CFAP107: variants seen among roughly 807,000 people sequenced by gnomAD.
The protein encoded by CFAP107 is cilia and flagella associated protein 107.
At chr1:12,757,389 T>TC in the CFAP107 span, among the ~76,000 whole-genome samples, 1 of 128,420 alleles carries the variant, frequency 7.8e-6, no homozygotes, top group Non-Finnish European at 1.6e-5. Flanking sequence ...TTTTTTCTTT[T>TC]CTTTTTTTTT....
chr1:12,751,714 A>G, the CFAP107 span, among the ~76,000 whole-genome samples: 1 of 152,338 alleles, frequency 6.6e-6, no homozygotes, highest in African/African-American at 2.4e-5. Flanking sequence ...TATATTGACT[A>G]ACGGAAAAAA....
the CFAP107 span, among the ~76,000 whole-genome samples, chr1:12,749,585 T>C: frequency 6.6e-6 from 1 of 152,068 alleles, no homozygotes; most frequent in Admixed American, 6.6e-5. Flanking sequence ...CACTCCAGCC[T>C]GGGAAACAGA....
chr1:12,762,833 C>A, the CFAP107 span: 3 of 152,614 alleles, frequency 2.0e-5, no homozygotes, highest in African/African-American at 7.2e-5. Flanking sequence ...GCAGGGGCGT[C>A]TAATCTTTTG....
chr1:12,749,100 A>G, the CFAP107 span, among the ~76,000 whole-genome samples: 2 of 152,214 alleles, frequency 1.3e-5, no homozygotes, highest in East Asian at 3.8e-4. Flanking sequence ...AGGGGCTAAA[A>G]GAGTATTTGA....
the CFAP107 span, among the ~76,000 whole-genome samples, chr1:12,751,940 A>C: frequency 6.6e-6 from 1 of 152,190 alleles, no homozygotes; most frequent in African/African-American, 2.4e-5. Flanking sequence ...TAGATCTATA[A>C]CTAGTGAAGA....
At chr1:12,750,367 T>G in the CFAP107 span, among the ~76,000 whole-genome samples, 1 of 152,132 alleles carries the variant, frequency 6.6e-6, no homozygotes, top group Non-Finnish European at 1.5e-5. Flanking sequence ...ATGGCAAATA[T>G]AAGTCCTTCC....
the CFAP107 span, chr1:12,755,784 T>G: frequency 6.2e-7 from 1 of 1,613,320 alleles, no homozygotes; most frequent in Non-Finnish European, 8.5e-7. Context: ...AGACCAGATC[T>G]CCAGGTGGTA....
chr1:12,750,990 C>A, the CFAP107 span, among the ~76,000 whole-genome samples: 22 of 151,226 alleles, frequency 1.5e-4, no homozygotes, highest in African/African-American at 5.3e-4. Flanking sequence ...CGATTAATAG[C>A]AGAAGAAATA....
the CFAP107 span, among the ~76,000 whole-genome samples, chr1:12,751,762 G>A: frequency 6.6e-6 from 1 of 152,216 alleles, no homozygotes; most frequent in South Asian, 2.1e-4. Flanking sequence ...AGAAATGAAA[G>A]TGTAAAATAA....
At chr1:12,757,377 C>CT in the CFAP107 span, among the ~76,000 whole-genome samples, 3 of 134,956 alleles carry the variant, frequency 2.2e-5, no homozygotes. Context: ...CTTTTTTTTC[C>CT]TTTTTTTCTT....
At chr1:12,759,643 T>C in the CFAP107 span, 18 of 824,664 alleles carry the variant, frequency 2.2e-5, no homozygotes, top group South Asian at 2.6e-4. Context: ...TATTGTACCC[T>C]CAGGGCTGCC....
the CFAP107 span, among the ~76,000 whole-genome samples, chr1:12,759,111 C>T: frequency 1.3e-5 from 2 of 152,162 alleles, no homozygotes; most frequent in African/African-American, 2.4e-5. Context: ...TAACTGCAGC[C>T]AGCTGGGATG....
At chr1:12,752,046 C>T in the CFAP107 span, among the ~76,000 whole-genome samples, 1 of 152,140 alleles carries the variant, frequency 6.6e-6, no homozygotes, top group African/African-American at 2.4e-5. Context: ...AAAGAATTAA[C>T]ATCAGTCCTT....
At chr1:12,761,257 G>A in the CFAP107 span, 1 of 264,718 alleles carries the variant, frequency 3.8e-6, no homozygotes. Context: ...TGTTTCACAA[G>A]AGGGGAAACT....
chr1:12,746,332 A>T, the CFAP107 span: 2 of 883,220 alleles, frequency 2.3e-6, no homozygotes, highest in East Asian at 2.7e-5. Context: ...GGGAAGACAA[A>T]ATAGGCACCC....
At chr1:12,761,216 A>G in the CFAP107 span, 2 of 369,592 alleles carry the variant, frequency 5.4e-6, no homozygotes, top group Non-Finnish European at 9.7e-6. Flanking sequence ...CTGTCAGAGA[A>G]AACAGGAAGG....
At chr1:12,759,743 G>A in the CFAP107 span, 58 of 557,406 alleles carry the variant, frequency 1.0e-4, no homozygotes, top group East Asian at 1.7e-3. Context: ...GAGCACAGGT[G>A]GCAGGGAGCA....
the CFAP107 span, among the ~76,000 whole-genome samples, chr1:12,749,673 G>T: frequency 6.6e-6 from 1 of 152,126 alleles, no homozygotes; most frequent in Non-Finnish European, 1.5e-5. Context: ...CAGAAACCTT[G>T]GAGCCTGGAA....
chr1:12,758,345 AC>A, the CFAP107 span, among the ~76,000 whole-genome samples: 1 of 151,858 alleles, frequency 6.6e-6, no homozygotes, highest in Non-Finnish European at 1.5e-5. Flanking sequence ...TGGCCTCTCT[AC>A]CTCCCATGCC....
Sources: allele counts gnomAD v4.1 joint callset (sites outside exome capture counted in the v4.1 genomes callset), GRCh38; gene constraint gnomAD v4.1.1; transcripts MANE v1.5; gene names NCBI Gene and HGNC (gene_info 2026-07-23, HGNC 2026-07-21).